Variants in CUEDC1 observed in about 807,000 individuals in gnomAD.
CUEDC1 encodes CUE domain-containing protein 1.
CUEDC1 carries 30 observed loss-of-function variants against 43.7 expected under a neutral mutation model. The ratio of observed to expected loss-of-function variants is 0.69; its 90% confidence interval spans 0.51 to 0.93. The LOEUF (loss-of-function observed/expected upper bound fraction) is 0.93. CUEDC1 is among the 40% of genes least tolerant of loss of function. CUEDC1 has a pLI of 0.00. For synonymous variants in CUEDC1, 223 were observed against 223.6 expected, an observed-to-expected ratio of 1.00 and a Z score of 0.02; for missense variants, 486 against 549.0, an observed-to-expected ratio of 0.89 and a Z score of 1.15.
At chr17:57,933,046 C>T (rs2074824031) in intron 1 of CUEDC1, among the ~76,000 whole-genome samples, 1 of 152,158 alleles carries the variant, frequency 6.6e-6, no homozygotes. Flanking sequence ...GCCAATGTCT[C>T]CTGGGGGGCC....
Position 57,861,254 on chromosome 17 carries a change from C to CA in CUEDC1, c.*2034dup, listed in dbSNP as rs1483681989. 6.6e-6 allele frequency: 1 copy of CA among 152,228 alleles called. No homozygotes were observed. Among genetic ancestry groups the CA allele is most frequent in the African/African-American group, 2.4e-5 (1 of 41,438 alleles). The allele number at this position is 152,228 out of a possible 1,614,324, so 9.4% of individuals were successfully genotyped here. The stretch of plus-strand genomic sequence containing the variant: ...TGCAACCTCCAGTCTGCCTTTAATC[C>CA]AGAAGCTGTTTATTTAGGGAGGTGG... On this transcript the variant is annotated 3_prime_UTR_variant, in exon 11 of 11. Coordinates refer to ENST00000577830, the MANE Select transcript of CUEDC1 (RefSeq NM_001271875.2).
intron 1 of CUEDC1, among the ~76,000 whole-genome samples, chr17:57,931,044 T>G (rs2074798701): frequency 6.6e-6 from 1 of 152,078 alleles, no homozygotes; most frequent in African/African-American, 2.4e-5. Context: ...ATCCCAGCAC[T>G]TAAGGAAGCT....
chr17:57,936,194 A>C (rs1272690901), intron 1 of CUEDC1, among the ~76,000 whole-genome samples: 1 of 152,164 alleles, frequency 6.6e-6, no homozygotes, highest in Non-Finnish European at 1.5e-5. Flanking sequence ...ACCCAAGGAC[A>C]AAAGCGGCTG....
intron 2 of CUEDC1, among the ~76,000 whole-genome samples, chr17:57,880,372 A>G (rs542892614): frequency 3.3e-5 from 5 of 152,238 alleles, no homozygotes; most frequent in African/African-American, 1.2e-4. Context: ...GCTAAGTGAC[A>G]TGGCAAAAGC....
At chr17:57,944,569 C>G (rs2074945019) in intron 1 of CUEDC1, among the ~76,000 whole-genome samples, 1 of 152,192 alleles carries the variant, frequency 6.6e-6, no homozygotes. Flanking sequence ...CTTACCAGCT[C>G]TATTTAACAT....
rs1379548985 is a variant in CUEDC1, at chr17:57,907,171, A to G, written c.-315-21292T>C. ...CGAGGGCTGTTCAGATGGCCTGCAG[A>G]GTCACGCATGCCACAAGGCTGGGGG... is the stretch of plus-strand genomic sequence containing the variant. On this transcript the variant is annotated intron_variant, in intron 1 of 10. Coordinates refer to ENST00000577830, the MANE Select transcript of CUEDC1 (RefSeq NM_001271875.2). Among the ~76,000 whole-genome samples the G allele has an allele frequency of 9.2e-5, 14 of 152,148 alleles. 1 individual carries two copies. Among genetic ancestry groups the G allele is most frequent in the Admixed American group, 9.2e-4 (14 of 15,276 alleles).
chr17:57,907,368 G>T (rs1227753881), intron 1 of CUEDC1, among the ~76,000 whole-genome samples: 1 of 152,220 alleles, frequency 6.6e-6, no homozygotes, highest in African/African-American at 2.4e-5. Flanking sequence ...AGGAGAGGCT[G>T]GGAGAAGAGG....
intron 1 of CUEDC1, among the ~76,000 whole-genome samples, chr17:57,951,946 A>C (rs1449828713): frequency 1.3e-5 from 2 of 152,222 alleles, no homozygotes; most frequent in Non-Finnish European, 2.9e-5. Context: ...ATGCGCTGAC[A>C]CATCAGAGGT....
At chr17:57,902,362 T>C (rs2145007050) in intron 1 of CUEDC1, among the ~76,000 whole-genome samples, 1 of 152,312 alleles carries the variant, frequency 6.6e-6, no homozygotes, top group East Asian at 1.9e-4. Context: ...CAGGTAGTGC[T>C]TGAACACTGC....
intron 1 of CUEDC1, among the ~76,000 whole-genome samples, chr17:57,903,762 C>T (rs2074498618): frequency 6.6e-6 from 1 of 151,870 alleles, no homozygotes; most frequent in African/African-American, 2.4e-5. Context: ...AACATAGAGA[C>T]CCTTTCTCTA....
chr17:57,873,114 G>C (rs2074059245), intron 4 of CUEDC1, among the ~76,000 whole-genome samples: 1 of 152,156 alleles, frequency 6.6e-6, no homozygotes, highest in Admixed American at 6.5e-5. Context: ...TCTACAACCT[G>C]AACAGTCCTG....
At chr17:57,917,862 C>T (rs993833959) in intron 1 of CUEDC1, among the ~76,000 whole-genome samples, 3 of 152,238 alleles carry the variant, frequency 2.0e-5, no homozygotes, top group Non-Finnish European at 4.4e-5. Flanking sequence ...CCTCCTGACC[C>T]ACCCCAAGGC....
intron 1 of CUEDC1, among the ~76,000 whole-genome samples, chr17:57,937,980 A>G: frequency 6.6e-6 from 1 of 152,214 alleles, no homozygotes; most frequent in East Asian, 1.9e-4. Context: ...AAATAAAATA[A>G]AATAATTGTA....
intron 6 of CUEDC1, 121 bp downstream of exon 6, chr17:57,871,165 C>T (rs904377163): frequency 5.7e-5 from 46 of 803,612 alleles, no homozygotes; most frequent in Non-Finnish European, 8.7e-5. Context: ...CTGAGGAGGC[C>T]CAGGCCCCCT....
intron 1 of CUEDC1, among the ~76,000 whole-genome samples, chr17:57,907,909 C>G (rs2074545332): frequency 1.3e-5 from 2 of 151,828 alleles, no homozygotes; most frequent in African/African-American, 4.8e-5. Flanking sequence ...CACCCCACCC[C>G]CCAATTCTTG....
At position 57,905,277 on chromosome 17, in the gene CUEDC1, C is replaced by CACACACAT. The variant is rs1555565852; in HGVS notation, c.-315-19399_-315-19398insATGTGTGT. On this transcript the variant is annotated intron_variant, in intron 1 of 10. Transcript: ENST00000577830. ...ACACACACACACACACACACACACACACACACACACACACTCCAGCCTGCT... is the reference window on the plus strand; with the variant it reads ...ACACACACACACACACACACACACACACACACATACACACACACACACTCCAGCCTGCT... 3.4e-4 allele frequency among the ~76,000 whole-genome samples: 52 copies of CACACACAT among 151,172 alleles called. 1 individual carries two copies. Among genetic ancestry groups the CACACACAT allele is most frequent in the South Asian group, 3.4e-3 (16 of 4,758 alleles).
chr17:57,951,070 G>C (rs539655886), intron 1 of CUEDC1, among the ~76,000 whole-genome samples: 1 of 137,340 alleles, frequency 7.3e-6, no homozygotes, highest in Non-Finnish European at 1.5e-5. Flanking sequence ...TCCACTGTGC[G>C]GTCCTCTCTG....
At chr17:57,901,897 G>C (rs1275397339) in intron 1 of CUEDC1, among the ~76,000 whole-genome samples, 2 of 152,220 alleles carry the variant, frequency 1.3e-5, no homozygotes, top group Non-Finnish European at 2.9e-5. Flanking sequence ...GCACTGGCCG[G>C]GCATGGTGGC....
chr17:57,889,446 G>A (rs1162211178), intron 1 of CUEDC1, among the ~76,000 whole-genome samples: 1 of 152,216 alleles, frequency 6.6e-6, no homozygotes, highest in Non-Finnish European at 1.5e-5. Flanking sequence ...GGCAACTGGA[G>A]ACACAGCAGC....
Sources: allele counts gnomAD v4.1 joint callset (sites outside exome capture counted in the v4.1 genomes callset), GRCh38; gene constraint gnomAD v4.1.1; transcripts MANE v1.5; gene names NCBI Gene and HGNC (gene_info 2026-07-23, HGNC 2026-07-21).